DNAJB6: variants seen among roughly 807,000 people sequenced by gnomAD.
DNAJB6 encodes the protein dnaJ homolog subfamily B member 6.
A neutral mutation model predicts 42.7 loss-of-function variants in DNAJB6; 16 were observed. The observed-to-expected ratio is 0.37, with a 90% CI of 0.25 to 0.57. The LOEUF (loss-of-function observed/expected upper bound fraction) is 0.57, where lower values mean the gene tolerates loss of function less well. Ranked by LOEUF, DNAJB6 falls within the 20% of genes least tolerant of loss-of-function variation. DNAJB6 has a pLI of 0.74. For missense variants in DNAJB6, 347 were observed against 416.8 expected (o/e 0.83, Z 1.46); for synonymous variants, 170 against 163.5 (o/e 1.04, Z -0.30).
intron 5 of DNAJB6, chr7:157,379,431 G>C (rs1415617262): frequency 6.6e-6 from 1 of 152,216 alleles, no homozygotes; most frequent in African/African-American, 2.4e-5. Flanking sequence ...CTCAGGTATG[G>C]ACAGTGAGAA....
At chr7:157,345,345 C>T (rs1209889479) in intron 1 of DNAJB6, among the ~76,000 whole-genome samples, 2 of 151,948 alleles carry the variant, frequency 1.3e-5, no homozygotes, top group Non-Finnish European at 2.9e-5. Context: ...AGGGCCTTGC[C>T]CTGTCTCTTG....
chr7:157,398,540 A>G (rs1263243296), intron 8 of DNAJB6, among the ~76,000 whole-genome samples: 5 of 152,244 alleles, frequency 3.3e-5, no homozygotes, highest in African/African-American at 4.8e-5. Flanking sequence ...GGAGCCTCTG[A>G]TAAGATGGCC....
chr7:157,362,535 C>T (rs1025179841), intron 2 of DNAJB6, among the ~76,000 whole-genome samples: 7 of 151,986 alleles, frequency 4.6e-5, no homozygotes, highest in Non-Finnish European at 7.4e-5. Flanking sequence ...CCACAATGCC[C>T]GGCTAATTTT....
intron 8 of DNAJB6, chr7:157,386,053 A>G: frequency 2.0e-6 from 2 of 987,106 alleles, no homozygotes; most frequent in Non-Finnish European, 2.4e-6. Context: ...TTCTACAGAA[A>G]TAATTTCAAT....
At chr7:157,350,816 A>G (rs542905919) in intron 1 of DNAJB6, among the ~76,000 whole-genome samples, 1 of 151,804 alleles carries the variant, frequency 6.6e-6, no homozygotes, top group South Asian at 2.1e-4. Context: ...CAGCCTCCCG[A>G]GTCTTAGCTG....
chr7:157,391,453 C>T (rs2117122195), intron 8 of DNAJB6, among the ~76,000 whole-genome samples: 1 of 152,342 alleles, frequency 6.6e-6, no homozygotes, highest in South Asian at 2.1e-4. Context: ...GTGGTCCCTG[C>T]ACAGATGAAT....
rs187911798 is a variant in DNAJB6, at chr7:157,404,998, C to T, written c.692-4797C>T. ...ACTTGTGTGAACACATTGATGTGGTCTGGGCCCTTCCCCGCATGAAAGGAC... is the reference window on the plus strand; with the variant it reads ...ACTTGTGTGAACACATTGATGTGGTTTGGGCCCTTCCCCGCATGAAAGGAC... On this transcript the variant is annotated intron_variant, in intron 8 of 9. Transcript: ENST00000262177. Among the ~76,000 whole-genome samples, 46 of 152,298 alleles carry T rather than the reference C, an allele frequency of 3.0e-4. No homozygotes were observed. In the East Asian group the frequency reaches 6.4e-3, roughly 21 times the overall value.
intron 8 of DNAJB6, among the ~76,000 whole-genome samples, chr7:157,393,311 T>C (rs1322579925): frequency 1.3e-5 from 2 of 152,216 alleles, no homozygotes; most frequent in Non-Finnish European, 2.9e-5. Flanking sequence ...GAATATCATA[T>C]TTTTTACAAT....
intron 1 of DNAJB6, among the ~76,000 whole-genome samples, chr7:157,348,060 T>C (rs1041103814): frequency 6.6e-6 from 1 of 151,762 alleles, no homozygotes; most frequent in Non-Finnish European, 1.5e-5. Context: ...CCTCCCAAAG[T>C]GCTGGGATTA....
At chr7:157,379,470 C>G (rs1242798336) in intron 5 of DNAJB6, 2 of 152,172 alleles carry the variant, frequency 1.3e-5, no homozygotes, top group South Asian at 2.1e-4. Context: ...CAGATATGGA[C>G]AGTGAGACTG....
intron 1 of DNAJB6, among the ~76,000 whole-genome samples, chr7:157,349,855 C>T (rs1346642388): frequency 1.3e-5 from 2 of 152,110 alleles, no homozygotes; most frequent in Non-Finnish European, 2.9e-5. Flanking sequence ...GTCAGCCAGG[C>T]TGGTCTCGAA....
At chr7:157,346,651 G>A (rs6974045) in intron 1 of DNAJB6, among the ~76,000 whole-genome samples, 82,130 of 151,944 alleles carry the variant, frequency 0.54, 22,505 homozygotes, top group East Asian at 0.76. Context: ...GAAATTCTGA[G>A]GTTAATAAAA....
At position 157,358,734 on chromosome 7, in the gene DNAJB6, A is replaced by ATG. The variant is rs890590846; in HGVS notation, c.65+99_65+100dup. On this transcript the variant is annotated intron_variant, in intron 2 of 9. Coordinates refer to ENST00000262177, the MANE Select transcript of DNAJB6 (RefSeq NM_058246.4). ...CTATTGCCTATGAAAATGGCTTTTA[A>ATG]TGTAGTATACCAGTCTTTGAATGCC... The ATG allele has an allele frequency of 8.3e-6, 8 of 964,222 alleles. No individual in the cohort carries two copies. The African/African-American group carries it at 1.3e-4, about 16-fold the overall frequency. 59.7% of individuals were successfully genotyped at this position (964,222 alleles called of 1,614,324 possible).
In DNAJB6 at chr7:157,395,232, G is replaced by C. The variant is rs529657218; in HGVS notation, c.691+9621G>C. On this transcript the variant is annotated intron_variant, in intron 8 of 9. Coordinates refer to ENST00000262177, the MANE Select transcript of DNAJB6 (RefSeq NM_058246.4). ...GGCAGCATTTTGGGAGGGGGCTGGG[G>C]GGGGGTTGGTGCTGGGCACATCTGG... Among the ~76,000 whole-genome samples, 11 of 152,364 alleles carry C rather than the reference G, an allele frequency of 7.2e-5. No individual in the cohort carries two copies. In the East Asian group the frequency reaches 1.3e-3, roughly 19 times the overall value.
At chr7:157,363,299 C>T (rs1460901178) in intron 3 of DNAJB6, 29 bp downstream of exon 3, 1 of 1,505,530 alleles carries the variant, frequency 6.6e-7, no homozygotes, top group Non-Finnish European at 9.2e-7. Context: ...CTGAAGGACC[C>T]TGAGCGGGCA....
At chr7:157,390,324 C>T (rs565858463) in intron 8 of DNAJB6, among the ~76,000 whole-genome samples, 2 of 152,246 alleles carry the variant, frequency 1.3e-5, no homozygotes, top group East Asian at 1.9e-4. Context: ...GGAGCCCTGA[C>T]TAGCAAACGT....
intron 5 of DNAJB6, among the ~76,000 whole-genome samples, chr7:157,373,978 C>T (rs1012643151): frequency 6.6e-6 from 1 of 151,966 alleles, no homozygotes; most frequent in Non-Finnish European, 1.5e-5. Flanking sequence ...CCCAGGAGTT[C>T]GAGTCCAGCT....
rs1489866925 is a variant in DNAJB6 at position 157,409,847 on chromosome 7, C to CGCCCTGCCA, written c.749_757dup (p.Leu250_Ala252dup). ...AGGAGCGCATGCGGAGAGGCCAGAA[C>CGCCCTGCCA]GCCCTGCCAGCCCAGCCTGCCGGCC... On this transcript the variant is annotated inframe_insertion, in exon 9 of 10. Coordinates refer to ENST00000262177, the MANE Select transcript of DNAJB6 (RefSeq NM_058246.4). 6 of 1,533,612 alleles carry CGCCCTGCCA rather than the reference C, an allele frequency of 3.9e-6. No individual in the cohort carries two copies. The highest frequency in any genetic ancestry group is 5.2e-6 in the Non-Finnish European group (6 of 1,145,708).
chr7:157,367,282 T>A, intron 4 of DNAJB6, 91 bp from the exon 5 acceptor site: 1 of 880,924 alleles, frequency 1.1e-6, no homozygotes, highest in Non-Finnish European at 1.9e-6. Context: ...TTTTATTAGT[T>A]CATGATTTGT....
Sources: gnomAD v4.1 joint callset for allele counts (sites outside exome capture counted in the v4.1 genomes callset) on GRCh38, gnomAD v4.1.1 for gene constraint, MANE v1.5 for transcripts, NCBI Gene and HGNC (gene_info 2026-07-23, HGNC 2026-07-21) for gene names.